PPL: variants seen among roughly 807,000 people sequenced by gnomAD.
The protein encoded by PPL is 190 kDa paraneoplastic pemphigus antigen.
PPL carries 198 observed loss-of-function variants against 194.4 expected under a neutral mutation model. That is an observed-to-expected ratio of 1.02 (90% CI 0.91 to 1.15). PPL has a LOEUF of 1.15. Among genes scored for constraint, PPL ranks in the 50% most tolerant of loss-of-function variants. The pLI is 0.00. For missense variants in PPL, 2,885 were observed against 2,294.8 expected, an observed-to-expected ratio of 1.26 and a Z score of -5.25; for synonymous variants, 1,220 against 972.4, an observed-to-expected ratio of 1.25 and a Z score of -4.74.
chr16:4,918,948 G>A (rs1234338163), intron 1 of PPL, among the ~76,000 whole-genome samples: 1 of 152,192 alleles, frequency 6.6e-6, no homozygotes, highest in Non-Finnish European at 1.5e-5. Flanking sequence ...GGGGCAGCCA[G>A]ACGTGGCACC....
chr16:4,912,976 C>T lies in PPL; in HGVS notation c.63-2027G>A, dbSNP rs527864358. On this transcript the variant is annotated intron_variant, in intron 1 of 21. Coordinates refer to ENST00000345988, the MANE Select transcript of PPL (RefSeq NM_002705.5). ...AAAATTAGCTAGGTGTGGTGGCATGCGCCTGTAGTCCCAGCTACTCGGGAG... is the reference window on the plus strand; with the variant it reads ...AAAATTAGCTAGGTGTGGTGGCATGTGCCTGTAGTCCCAGCTACTCGGGAG... Among the ~76,000 whole-genome samples the T allele has an allele frequency of 1.2e-4, 19 of 152,118 alleles. No homozygotes were observed. The South Asian group carries it at 2.3e-3, about 18-fold the overall frequency.
intron 1 of PPL, among the ~76,000 whole-genome samples, chr16:4,918,030 G>A (rs1246987017): frequency 6.6e-6 from 1 of 150,958 alleles, no homozygotes; most frequent in African/African-American, 2.4e-5. Context: ...TGGTGGTTCA[G>A]GCCTGTAATC....
In PPL at chr16:4,920,294, G is replaced by C. The variant is rs1431066814; in HGVS notation, c.63-9345C>G. 3.7e-5 allele frequency among the ~76,000 whole-genome samples: 5 copies of C among 133,394 alleles called. No individual in the cohort carries two copies. The East Asian group carries it at 1.2e-3, about 32-fold the overall frequency. The allele number at this position is 133,394 out of a possible 152,430, so 87.5% of individuals were successfully genotyped here. ...CAAGACTCTGTCTCAAAAAAAGAAA[G>C]AAAGAAAGAAGGAAAGAAGGAAAGA... is the stretch of plus-strand genomic sequence containing the variant. On this transcript the variant is annotated intron_variant, in intron 1 of 21. Transcript: ENST00000345988.
rs1236506619 is a variant in PPL at position 4,910,949 on chromosome 16, G to A, written c.63C>T (p.Ser21=). The A allele has an allele frequency of 9.3e-6, 15 of 1,611,660 alleles. No individual in the cohort carries two copies. Among genetic ancestry groups the A allele is most frequent in the Admixed American group, 3.3e-5 (2 of 60,012 alleles). The change falls in exon 2 of 22, where the codon AGC becomes AGT. Residue 21 remains serine, a splice_region_variant and synonymous_variant. Coordinates refer to ENST00000345988, the MANE Select transcript of PPL (RefSeq NM_002705.5). ...GKYSPTVQTR[S]ISNKELSELI... is the part of the protein sequence containing the mutation. ...GCTCCGAGAGCTCCTTGTTAGAGATGCTGCGGGCAGAAGCCGAGGGGAGAT... is the reference window on the plus strand; with the variant it reads ...GCTCCGAGAGCTCCTTGTTAGAGATACTGCGGGCAGAAGCCGAGGGGAGAT...
rs74317237 is a variant in PPL, at chr16:4,893,249, A to G, written c.1614T>C (p.Ala538=). 1,912 of 1,591,500 alleles carry G rather than the reference A, an allele frequency of 1.2e-3. 23 individuals are homozygous for G. The African/African-American group carries it at 0.023, about 19-fold the overall frequency. Residue 538 remains alanine, a synonymous_variant, in exon 14 of 22, where the codon GCT becomes GCC. Coordinates refer to ENST00000345988, the MANE Select transcript of PPL (RefSeq NM_002705.5). ...TGGCCCGCTCGGCACTGTCCTGCAC[A>G]GCCCGGCCTTGCTCCAGTGGTGGCC... is the stretch of plus-strand genomic sequence containing the variant. ...ILRPPLEQGR[A]VQDSAERAKD...
intron 14 of PPL, chr16:4,892,918 G>T: frequency 2.8e-6 from 1 of 352,146 alleles, no homozygotes. Flanking sequence ...TTGCAGTCAA[G>T]CCAGCCGGTG....
Position 4,888,149 on chromosome 16 carries a change from T to A in PPL, c.2467A>T (p.Ser823Cys), listed in dbSNP as rs1425146349. Residue 823 changes from serine to cysteine, a missense_variant, in exon 20 of 22, where the codon AGC (serine) becomes TGC (cysteine). Physicochemically the swap from Ser to Cys is moderately radical, Grantham distance 112. Transcript: ENST00000345988. ...GGAGATTGGAGCCTGGCTCTCTTGC[T>A]CACGTGGCTTCTCCTTCCATTCTCC... ...DLENGRRSHV[S>C]KRARLQSPAT... 6.2e-7 allele frequency: 1 copy of A among 1,614,014 alleles called. No homozygotes were observed. The highest frequency in any genetic ancestry group is 2.2e-5 in the East Asian group (1 of 44,884).
At chr16:4,934,918 G>T (rs1454654800) in intron 1 of PPL, among the ~76,000 whole-genome samples, 2 of 152,182 alleles carry the variant, frequency 1.3e-5, no homozygotes, top group Non-Finnish European at 2.9e-5. Flanking sequence ...ACCACCCGGG[G>T]AGGCATCTGA....
intron 1 of PPL, among the ~76,000 whole-genome samples, chr16:4,921,591 C>A (rs964774428): frequency 6.6e-6 from 1 of 151,286 alleles, no homozygotes; most frequent in Admixed American, 6.6e-5. Flanking sequence ...CTCAGCCTCC[C>A]GAGCAGCTGG....
rs748415948 is a variant in PPL, at chr16:4,888,082, G to T, written c.2514+20C>A. 4 of 1,581,610 alleles carry T rather than the reference G, an allele frequency of 2.5e-6. No homozygotes were observed. In the Admixed American group the frequency reaches 5.0e-5, roughly 20 times the overall value. On this transcript the variant is annotated intron_variant, in intron 20 of 21. Coordinates refer to ENST00000345988, the MANE Select transcript of PPL (RefSeq NM_002705.5). ...TGGCCTCCACCTCAGTCCCGAGGCC[G>T]CCTGGCCCATGGAACTCACCTCTTC...
intron 18 of PPL, 102 bp downstream of exon 18, chr16:4,890,082 C>A: frequency 6.4e-7 from 1 of 1,560,972 alleles, no homozygotes; most frequent in Non-Finnish European, 8.8e-7. Flanking sequence ...GGCCTCTGCC[C>A]TGCTCCACCT....
At chr16:4,912,964 T>C (rs901020708) in intron 1 of PPL, among the ~76,000 whole-genome samples, 19 of 151,674 alleles carry the variant, frequency 1.3e-4, no homozygotes, top group Non-Finnish European at 2.2e-4. Flanking sequence ...ATTAGCTAGG[T>C]GTGGTGGCAT....
At position 4,883,991 on chromosome 16, in the gene PPL, G is replaced by A. The variant is rs149555593; in HGVS notation, c.4664C>T (p.Ser1555Phe). Residue 1555 changes from serine to phenylalanine, a missense_variant, in exon 22 of 22, where the codon TCC becomes TTC. By Grantham distance (155) the Ser-to-Phe change is radical (BLOSUM62 -2). Coordinates refer to ENST00000345988, the MANE Select transcript of PPL (RefSeq NM_002705.5). This position sits in a 1 kb window ranked among gnomAD's most constrained non-coding sequence, Gnocchi z 4.8. The part of the protein sequence containing the change: ...SELEFHNSKS[S>F]KELDFLREEN... Reference sequence around the variant, plus strand: ...TTCCCTCAGAAAGTCTAGTTCCTTGGATGACTTGGAGTTATGGAATTCCAG... The same window carrying A: ...TTCCCTCAGAAAGTCTAGTTCCTTGAATGACTTGGAGTTATGGAATTCCAG... 2 of 1,614,054 alleles carry A rather than the reference G, an allele frequency of 1.2e-6. No individual in the cohort carries two copies. Among genetic ancestry groups the A allele is most frequent in the Non-Finnish European group, 1.7e-6 (2 of 1,180,034 alleles).
At chr16:4,889,241 G>GGGTTT (rs1442783436) in intron 18 of PPL, among the ~76,000 whole-genome samples, 180 bp from the exon 19 acceptor site, 2 of 66,636 alleles carry the variant, frequency 3.0e-5, no homozygotes, top group South Asian at 5.9e-4. Context: ...TGTTGTTGTT[G>GGGTTT]TTTTTTTTTT....
In PPL at chr16:4,899,124, C is replaced by T. The variant is rs754256182; in HGVS notation, c.769-4G>A. The T allele has an allele frequency of 6.2e-7, 1 of 1,613,516 alleles. No individual in the cohort carries two copies. The highest frequency in any genetic ancestry group is 8.5e-7 in the Non-Finnish European group (1 of 1,179,750). On this transcript the variant is annotated splice_polypyrimidine_tract_variant and splice_region_variant and intron_variant, in intron 7 of 21. Transcript: ENST00000345988. ...CCAGGTTCCGGTTGATGAAATTCTG[C>T]AGTGGGGGGCAGTGGAGGGGCCTCA... is the stretch of plus-strand genomic sequence containing the variant.
At chr16:4,888,293 C>A in intron 19 of PPL, 75 bp from the exon 20 acceptor site, 1 of 1,045,094 alleles carries the variant, frequency 9.6e-7, no homozygotes, top group Non-Finnish European at 1.5e-6. Flanking sequence ...TGTACCCCTT[C>A]AGGCTGACCC....
intron 1 of PPL, among the ~76,000 whole-genome samples, chr16:4,928,321 G>T (rs961266478): frequency 1.3e-5 from 2 of 152,258 alleles, no homozygotes; most frequent in African/African-American, 2.4e-5. Context: ...CCTGACCTTA[G>T]GCCTCCCAGA....
At chr16:4,912,836 G>A (rs1046021166) in intron 1 of PPL, among the ~76,000 whole-genome samples, 2 of 152,204 alleles carry the variant, frequency 1.3e-5, no homozygotes, top group East Asian at 1.9e-4. Flanking sequence ...CGGTGTGGTG[G>A]CTCATACCTG....
chr16:4,901,933 T>C (rs911589851), intron 4 of PPL, among the ~76,000 whole-genome samples: 1 of 138,380 alleles, frequency 7.2e-6, no homozygotes, highest in South Asian at 2.6e-4. Flanking sequence ...GAGTGAGACC[T>C]TGTCTCAAAA....
Sources: gnomAD v4.1 joint callset for allele counts (sites outside exome capture counted in the v4.1 genomes callset) on GRCh38, gnomAD v4.1.1 for gene constraint, Gnocchi (gnomAD v3.1) non-coding constraint, MANE v1.5 for transcripts, NCBI Gene and HGNC (gene_info 2026-07-23, HGNC 2026-07-21) for gene names.